FRMD3: variants seen among roughly 807,000 people sequenced by gnomAD.
FRMD3 encodes FERM domain containing 3, also known as FERM domain-containing protein 3.
Under a neutral mutation model 70.2 loss-of-function variants are expected in FRMD3, and 33 were observed. The observed-to-expected ratio is 0.47, with a 90% confidence interval of 0.36 to 0.63. The LOEUF (loss-of-function observed/expected upper bound fraction) is 0.63. Ranked by LOEUF, FRMD3 falls within the 20% of genes least tolerant of loss-of-function variation. The probability of loss-of-function intolerance (pLI) is 0.00; values close to 1 mark genes in which losing one functional copy is unlikely to be tolerated. For synonymous variants in FRMD3, 279 were observed against 255.9 expected, an observed-to-expected ratio of 1.09 and a Z score of -0.86; for missense variants, 632 against 711.4, an observed-to-expected ratio of 0.89 and a Z score of 1.27.
rs942727906 is a variant in FRMD3 at position 83,266,926 on chromosome 9, TGG to T, written c.1196-18412_1196-18411del. On this transcript the variant is annotated intron_variant, in intron 13 of 13. Transcript: ENST00000304195. ...AAAACCTCTGACACCAAATTCACCC[TGG>T]GCCTCTCTCCACCAGCAGTGAGCAG... 9.4e-6 allele frequency: 13 copies of T among 1,378,766 alleles called. No homozygotes were observed. In the African/African-American group the frequency reaches 1.7e-4, roughly 18 times the overall value. The allele number at this position is 1,378,766 out of a possible 1,614,324, so 85.4% of individuals were successfully genotyped here.
chr9:83,353,164 C>T (rs1404060998), intron 3 of FRMD3, among the ~76,000 whole-genome samples: 2 of 151,008 alleles, frequency 1.3e-5, no homozygotes, highest in Non-Finnish European at 2.9e-5. Context: ...AAGAGTGTCC[C>T]TGTAAGTTGG....
chr9:83,547,090 T>G, the FRMD3 span, among the ~76,000 whole-genome samples: 1 of 151,162 alleles, frequency 6.6e-6, no homozygotes, highest in Non-Finnish European at 1.5e-5. Flanking sequence ...AAACACACTT[T>G]AAATCAACAA....
chr9:83,519,815 A>T (rs1431587120), intron 1 of FRMD3, among the ~76,000 whole-genome samples: 1 of 152,224 alleles, frequency 6.6e-6, no homozygotes, highest in Non-Finnish European at 1.5e-5. Context: ...ATGCAGCCAT[A>T]AAAAAGAATG....
the FRMD3 span, among the ~76,000 whole-genome samples, chr9:83,575,227 A>G: frequency 6.6e-6 from 1 of 152,232 alleles, no homozygotes; most frequent in East Asian, 1.9e-4. Context: ...AGGCTGCGAG[A>G]GAGTGAAACT....
rs778201035 is a variant in FRMD3 at position 83,311,923 on chromosome 9, A to G, written c.737T>C (p.Val246Ala). Residue 246 changes from valine to alanine, a missense_variant, in exon 8 of 14, where the codon GTC becomes GCC. Val to Ala is a moderately conservative substitution (Grantham distance 64). Around this residue, in one of 3 missense-constraint regions of FRMD3, gnomAD observed 418 missense variants for 442.1 expected, o/e 0.95. Transcript: ENST00000304195. ...FLGFTAAGFV[V>A]FQGNKRIHLI... The stretch of plus-strand genomic sequence containing the variant: ...ATGGATTCTCTTATTTCCCTGAAAG[A>G]CCACAAAGCCTGCAGCTGTGAATCC... 2 of 1,612,538 alleles carry G rather than the reference A, an allele frequency of 1.2e-6. No individual in the cohort carries two copies. The highest frequency in any genetic ancestry group is 2.2e-5 in the South Asian group (2 of 90,628).
At chr9:83,479,671 G>GGAAGGAAAGAAAGAAAGAAA (rs1357329351) in intron 1 of FRMD3, among the ~76,000 whole-genome samples, 2 of 29,990 alleles carry the variant, frequency 6.7e-5, no homozygotes, top group East Asian at 1.0e-3. Context: ...AAGGAAGGAA[G>GGAAGGAAAGAAAGAAAGAAA]GAAAGAAAGA....
At chr9:83,287,294 A>C (rs766689423) in intron 13 of FRMD3, among the ~76,000 whole-genome samples, 6 of 152,176 alleles carry the variant, frequency 3.9e-5, no homozygotes, top group Admixed American at 2.0e-4. Context: ...CATCTACTGG[A>C]TAGAAGCCAT....
intron 13 of FRMD3, among the ~76,000 whole-genome samples, chr9:83,287,991 G>T (rs1834283746): frequency 6.6e-6 from 1 of 152,156 alleles, no homozygotes; most frequent in African/African-American, 2.4e-5. Flanking sequence ...TGTCACAATT[G>T]TTGCATTAAG....
At chr9:83,479,843 G>A (rs1018587287) in intron 1 of FRMD3, among the ~76,000 whole-genome samples, 1 of 151,286 alleles carries the variant, frequency 6.6e-6, no homozygotes, top group African/African-American at 2.4e-5. Flanking sequence ...AAAATGAAAA[G>A]CTAATCGCAA....
chr9:83,578,070 T>C, the FRMD3 span, among the ~76,000 whole-genome samples: 1 of 151,624 alleles, frequency 6.6e-6, no homozygotes, highest in African/African-American at 2.4e-5. Context: ...AATTGGATAA[T>C]CTAGAAGAAA....
At position 83,497,403 on chromosome 9, in the gene FRMD3, C is replaced by T. The variant is rs1828966246; in HGVS notation, c.147+40682G>A. 2.6e-5 allele frequency among the ~76,000 whole-genome samples: 4 copies of T among 152,234 alleles called. No individual in the cohort carries two copies. In the South Asian group the frequency reaches 6.2e-4, roughly 24 times the overall value. On this transcript the variant is annotated intron_variant, in intron 1 of 13. Coordinates refer to ENST00000304195, the MANE Select transcript of FRMD3 (RefSeq NM_174938.6). ...TATCTGGTTAAATTTCAAAGTAAGACTAAAAGCTAGAAATAAAATATTTTG... is the reference window on the plus strand; with the variant it reads ...TATCTGGTTAAATTTCAAAGTAAGATTAAAAGCTAGAAATAAAATATTTTG...
At position 83,473,674 on chromosome 9, in the gene FRMD3, A is replaced by G. The variant is rs184444298; in HGVS notation, c.147+64411T>C. Among the ~76,000 whole-genome samples, 5 of 152,338 alleles carry G rather than the reference A, an allele frequency of 3.3e-5. No homozygotes were observed. In the East Asian group the frequency reaches 9.6e-4, roughly 29 times the overall value. ...CAAGAATAACATGGAGAGGAGGAAG[A>G]GGGCGAATGCACGGGCTAGCTAGTG... On this transcript the variant is annotated intron_variant, in intron 1 of 13. Coordinates refer to ENST00000304195, the MANE Select transcript of FRMD3 (RefSeq NM_174938.6).
At chr9:83,272,982 G>A (rs1276729627) in intron 13 of FRMD3, among the ~76,000 whole-genome samples, 7 of 149,884 alleles carry the variant, frequency 4.7e-5, no homozygotes, top group Non-Finnish European at 8.9e-5. Flanking sequence ...ATCTCCGCCC[G>A]GCAGCCGCCC....
At chr9:83,284,258 C>T (rs1587676661) in intron 13 of FRMD3, among the ~76,000 whole-genome samples, 1 of 152,000 alleles carries the variant, frequency 6.6e-6, no homozygotes, top group Non-Finnish European at 1.5e-5. Flanking sequence ...GGTGATTCCA[C>T]AGGATTCGTA....
intron 13 of FRMD3, among the ~76,000 whole-genome samples, chr9:83,282,153 C>T (rs915011032): frequency 6.6e-6 from 1 of 152,162 alleles, no homozygotes; most frequent in Non-Finnish European, 1.5e-5. Flanking sequence ...TAACATTGGG[C>T]AAATTTTCTC....
chr9:83,292,047 T>C (rs1834440368), intron 12 of FRMD3, among the ~76,000 whole-genome samples: 1 of 152,214 alleles, frequency 6.6e-6, no homozygotes, highest in African/African-American at 2.4e-5. Context: ...AGCTGATATA[T>C]ACAAATTGGA....
At chr9:83,438,873 C>T (rs1827215721) in intron 1 of FRMD3, among the ~76,000 whole-genome samples, 2 of 152,330 alleles carry the variant, frequency 1.3e-5, no homozygotes, top group Admixed American at 6.5e-5. Flanking sequence ...CACCTCTGTG[C>T]TGCACCTCAG....
the FRMD3 span, among the ~76,000 whole-genome samples, chr9:83,572,159 G>A: frequency 6.6e-6 from 1 of 152,022 alleles, no homozygotes; most frequent in African/African-American, 2.4e-5. Flanking sequence ...GTGTGTGTGT[G>A]TGTGTGTGTG....
chr9:83,251,650 T>C (rs963231983), intron 13 of FRMD3, among the ~76,000 whole-genome samples: 3 of 152,164 alleles, frequency 2.0e-5, no homozygotes, highest in Non-Finnish European at 4.4e-5. Flanking sequence ...ATAGCCAGAA[T>C]AGCCAGGTTA....
Sources: gnomAD v4.1 joint callset for allele counts (sites outside exome capture counted in the v4.1 genomes callset) on GRCh38, gnomAD v4.1.1 for gene constraint, gnomAD v4.1.1 regional missense constraint, MANE v1.5 for transcripts, NCBI Gene and HGNC (gene_info 2026-07-23, HGNC 2026-07-21) for gene names.